Variants in CDHR3 observed in about 807,000 individuals in gnomAD.
The protein encoded by CDHR3 is cadherin related family member 3.
A neutral mutation model predicts 86.6 loss-of-function variants in CDHR3; 79 were observed. That is an observed-to-expected ratio of 0.91 (90% CI 0.76 to 1.10). The LOEUF is 1.10. Among genes scored for constraint, CDHR3 ranks in the 50% least tolerant of loss-of-function variants. The pLI, the probability that CDHR3 is intolerant of heterozygous loss-of-function variation, is 0.00. For missense variants in CDHR3, 1,081 were observed against 1,077.6 expected, an observed-to-expected ratio of 1.00 and a Z score of -0.04; for synonymous variants, 421 against 402.4, an observed-to-expected ratio of 1.05 and a Z score of -0.55.
At position 105,996,250 on chromosome 7, in the gene CDHR3, T is replaced by C. The variant is rs752700057; in HGVS notation, c.609T>C (p.Ser203=). 16 of 1,555,522 alleles carry C rather than the reference T, an allele frequency of 1.0e-5. No individual in the cohort carries two copies. The South Asian group carries it at 1.2e-4, about 12-fold the overall frequency. The part of the protein sequence containing the change: ...TELDFEAGHR[S]FHLIVEVRDS... ...CTCACGTGGAATGTTTCCCTGGCAG[T>C]TTCCATCTCATCGTGGAGGTGAGGG... The change falls in exon 6 of 19, where the codon AGT becomes AGC. Residue 203 remains serine (S), a splice_region_variant and synonymous_variant. Coordinates refer to ENST00000317716, the MANE Select transcript of CDHR3 (RefSeq NM_152750.5).
chr7:105,994,940 G>C, intron 5 of CDHR3, 95 bp downstream of exon 5: 2 of 986,382 alleles, frequency 2.0e-6, no homozygotes, highest in Non-Finnish European at 3.2e-6. Context: ...GGGCAGCTGG[G>C]GGGAGCCCCT....
Position 105,984,229 on chromosome 7 carries a change from A to T in CDHR3, c.453A>T (p.Gly151=). The change falls in exon 4 of 19, where the codon GGA becomes GGT. Residue 151 remains glycine (G), a synonymous_variant. Transcript: ENST00000317716. ...HLYIVERANP[G]FIYQVEAFDP... ...ACATAGTAGAAAGAGCAAACCCTGG[A>T]TTCATTTACCAGGTTGAGGCCTTCG... The T allele has an allele frequency of 1.2e-6, 2 of 1,610,792 alleles. No individual in the cohort carries two copies. Among genetic ancestry groups the T allele is most frequent in the East Asian group, 4.5e-5 (2 of 44,802 alleles).
In CDHR3 at chr7:105,974,829, C is replaced by A; in HGVS notation, c.47-15C>A. On this transcript the variant is annotated splice_polypyrimidine_tract_variant and intron_variant, in intron 1 of 18. Transcript: ENST00000317716. Reference sequence around the variant, plus strand: ...CTTTGTGTTCATGTCATCCTGCACCCTTTTTACTCCACAGGGGGAGAAGCA... The same window carrying A: ...CTTTGTGTTCATGTCATCCTGCACCATTTTTACTCCACAGGGGGAGAAGCA... 6.2e-7 allele frequency: 1 copy of A among 1,609,450 alleles called. No individual in the cohort carries two copies. Among genetic ancestry groups the A allele is most frequent in the Non-Finnish European group, 8.5e-7 (1 of 1,176,914 alleles).
chr7:106,011,505 G>A (rs1399099558), intron 8 of CDHR3, among the ~76,000 whole-genome samples: 2 of 152,096 alleles, frequency 1.3e-5, no homozygotes, highest in African/African-American at 4.8e-5. Context: ...ATCCTAGACT[G>A]TCCAGCCCCA....
intron 2 of CDHR3, 32 bp from the exon 3 acceptor site, chr7:105,980,936 A>G (rs1829643162): frequency 8.3e-6 from 13 of 1,574,172 alleles, no homozygotes; most frequent in South Asian, 1.2e-5. Flanking sequence ...CTTCTTTCAC[A>G]TGGTTACTAA....
chr7:105,996,117 G>A lies in CDHR3; in HGVS notation c.609-133G>A, dbSNP rs1832161399. ...ACCCTGCAGGCCCTGAGACTGTGGGGGCATTACGGAGAGGCTCACCACCAA... is the reference window on the plus strand; with the variant it reads ...ACCCTGCAGGCCCTGAGACTGTGGGAGCATTACGGAGAGGCTCACCACCAA... On this transcript the variant is annotated intron_variant, in intron 5 of 18. Transcript: ENST00000317716. 46 of 586,710 alleles carry A rather than the reference G, an allele frequency of 7.8e-5. 3 individuals are homozygous for A. The South Asian group carries it at 9.9e-4, about 13-fold the overall frequency. 36.3% of individuals were successfully genotyped at this position (586,710 alleles called of 1,614,324 possible).
At chr7:105,997,393 A>T (rs949646902) in intron 6 of CDHR3, among the ~76,000 whole-genome samples, 2 of 151,972 alleles carry the variant, frequency 1.3e-5, no homozygotes, top group Non-Finnish European at 2.9e-5. Context: ...TCAATCCTTG[A>T]CCCTCAATTT....
At chr7:105,996,800 C>A (rs909422524) in intron 6 of CDHR3, among the ~76,000 whole-genome samples, 4 of 152,190 alleles carry the variant, frequency 2.6e-5, no homozygotes, top group Admixed American at 6.5e-5. Context: ...CTGTTACTGG[C>A]TGCTCTAAAG....
chr7:106,017,570 C>CAG (rs1835843343), intron 11 of CDHR3, among the ~76,000 whole-genome samples: 3 of 129,922 alleles, frequency 2.3e-5, no homozygotes, highest in Admixed American at 7.3e-5. Context: ...CACAGACACA[C>CAG]ACACACACAC....
At chr7:105,963,508 G>C (rs891512714) in intron 1 of CDHR3, 144 bp downstream of exon 1, 3 of 842,340 alleles carry the variant, frequency 3.6e-6, no homozygotes, top group Non-Finnish European at 5.9e-6. Context: ...ATGAGGTGAT[G>C]CCGCTCCAGG....
At chr7:106,007,580 C>T (rs1391229109) in intron 8 of CDHR3, among the ~76,000 whole-genome samples, 1 of 152,230 alleles carries the variant, frequency 6.6e-6, no homozygotes, top group African/African-American at 2.4e-5. Context: ...AGTCTCTTTG[C>T]TAAAACATAA....
At chr7:106,012,495 G>A (rs888748540) in intron 8 of CDHR3, among the ~76,000 whole-genome samples, 1 of 152,142 alleles carries the variant, frequency 6.6e-6, no homozygotes. Context: ...GTGGCAGGAG[G>A]AGAGTGAACA....
At chr7:105,996,154 C>G (rs1231822927) in intron 5 of CDHR3, 96 bp from the exon 6 acceptor site, 4 of 683,032 alleles carry the variant, frequency 5.9e-6, no homozygotes, top group Non-Finnish European at 1.1e-5. Flanking sequence ...GGGGCAGGGT[C>G]TGCTCTCACT....
rs774009903 is a variant in CDHR3, at chr7:106,020,351, GACC to G, written c.1654-18_1654-16del. 1 of 1,573,806 alleles carries G rather than the reference GACC, an allele frequency of 6.4e-7. No individual in the cohort carries two copies. Among genetic ancestry groups the G allele is most frequent in the East Asian group, 2.3e-5 (1 of 42,904 alleles). On this transcript the variant is annotated intron_variant, in intron 12 of 18. Transcript: ENST00000317716. The stretch of plus-strand genomic sequence containing the variant: ...TCAATGAGTTTTAGCTATTGAGAAT[GACC>G]ACCTTCTTGCTACTCTAGGTTACTG...
intron 6 of CDHR3, among the ~76,000 whole-genome samples, chr7:105,996,732 G>T (rs1033383057): frequency 6.8e-4 from 103 of 152,072 alleles, no homozygotes; most frequent in Non-Finnish European, 1.3e-4. Flanking sequence ...ACTCCCTAAC[G>T]CCCGCTCCTA....
chr7:105,973,691 G>A (rs1454125342), intron 1 of CDHR3, among the ~76,000 whole-genome samples: 1 of 152,214 alleles, frequency 6.6e-6, no homozygotes, highest in African/African-American at 2.4e-5. Context: ...TCTTGGCTGG[G>A]CATGGTGGCT....
At position 105,993,256 on chromosome 7, in the gene CDHR3, G is replaced by A. The variant is rs536443118; in HGVS notation, c.514-1495G>A. On this transcript the variant is annotated intron_variant, in intron 4 of 18. Transcript: ENST00000317716. Reference sequence around the variant, plus strand: ...ACATGTGAGTCTCTAGCGTTGCTGCGATCCTTCATATTTTACGGCACGCAT... The same window carrying A: ...ACATGTGAGTCTCTAGCGTTGCTGCAATCCTTCATATTTTACGGCACGCAT... Among the ~76,000 whole-genome samples, 24 of 152,178 alleles carry A rather than the reference G, an allele frequency of 1.6e-4. 1 individual carries two copies. In the South Asian group the frequency reaches 2.1e-3, roughly 13 times the overall value.
intron 9 of CDHR3, among the ~76,000 whole-genome samples, chr7:106,013,969 AT>A (rs1009450300): frequency 6.6e-6 from 1 of 151,684 alleles, no homozygotes; most frequent in African/African-American, 2.4e-5. Flanking sequence ...TATTTTTATT[AT>A]TTTTTTAAGA....
At chr7:105,998,540 C>T (rs1021279161) in intron 6 of CDHR3, among the ~76,000 whole-genome samples, 1 of 152,112 alleles carries the variant, frequency 6.6e-6, no homozygotes, top group Non-Finnish European at 1.5e-5. Flanking sequence ...GCCTGTAATC[C>T]CAGCACTTTG....
Sources: allele counts gnomAD v4.1 joint callset (sites outside exome capture counted in the v4.1 genomes callset), GRCh38; gene constraint gnomAD v4.1.1; transcripts MANE v1.5; gene names NCBI Gene and HGNC (gene_info 2026-07-23, HGNC 2026-07-21).